The following COPG2 variants were observed in gnomAD, a reference collection of about 807,000 sequenced individuals.
The protein encoded by COPG2 is coat protein complex I subunit gamma 2, also known as coatomer subunit gamma-2.
Under a neutral mutation model 46.3 loss-of-function variants are expected in COPG2, and 37 were observed. The ratio of observed to expected loss-of-function variants is 0.80; its 90% CI spans 0.61 to 1.05. The LOEUF is 1.05. Ranked by LOEUF, COPG2 falls within the 50% of genes least tolerant of loss-of-function variation. COPG2 has a pLI of 0.00. For synonymous variants in COPG2, 159 were observed against 129.7 expected, an observed-to-expected ratio of 1.23 and a Z score of -1.53; for missense variants, 427 against 387.8, an observed-to-expected ratio of 1.10 and a Z score of -0.85.
intron 8 of COPG2, 55 bp from the exon 9 acceptor site, chr7:130,611,165 T>A (rs1357696379): frequency 1.4e-6 from 2 of 1,475,088 alleles, no homozygotes; most frequent in Admixed American, 3.8e-5. Flanking sequence ...TCAAAATATT[T>A]ACACAAAAAT....
At position 130,662,958 on chromosome 7, in the gene COPG2, AAG is replaced by A. The variant is rs1554460975; in HGVS notation, c.243+7_243+8del. 3 of 1,525,086 alleles carry A rather than the reference AAG, an allele frequency of 2.0e-6. No homozygotes were observed. Among genetic ancestry groups the A allele is most frequent in the Middle Eastern group, 1.7e-4 (1 of 5,900 alleles). The allele number at this position is 1,525,086 out of a possible 1,614,324, so 94.5% of individuals were successfully genotyped here. On this transcript the variant is annotated splice_region_variant and intron_variant, in intron 4 of 23. Transcript: ENST00000425248. ...TTTTTCATCGTAAAAAAAATTTAAA[AAG>A]ACTTACATCATTAGATTGAAACAAT...
Position 130,549,337 on chromosome 7 carries a change from G to A in COPG2, c.1814C>T (p.Pro605Leu), listed in dbSNP as rs1304525227. ...ACCTTGGAAAATGTCTTGCCTGGAA[G>A]GAGCCAACTTCTCTGGCTTAGTAGC... Reference protein sequence around the residue: ...LVATKPEKLAPSRQDIFQEQL... With the variant: ...LVATKPEKLALSRQDIFQEQL... Residue 605 changes from proline to leucine, a missense_variant, in exon 18 of 24, where the codon CCT (proline) becomes CTT (leucine). Pro to Leu is a moderately conservative substitution (Grantham distance 98). Coordinates refer to ENST00000425248, the MANE Select transcript of COPG2 (RefSeq NM_012133.6). 20 of 398,558 alleles carry A rather than the reference G, an allele frequency of 5.0e-5. No homozygotes were observed. Among genetic ancestry groups the A allele is most frequent in the African/African-American group, 3.1e-4 (15 of 48,754 alleles). The allele number at this position is 398,558 out of a possible 1,614,324, so 24.7% of individuals were successfully genotyped here.
At chr7:130,586,058 A>T (rs1443101500) in intron 9 of COPG2, among the ~76,000 whole-genome samples, 1 of 152,126 alleles carries the variant, frequency 6.6e-6, no homozygotes, top group East Asian at 1.9e-4. Context: ...AAAATCATGG[A>T]ACCAACCCAA....
At chr7:130,593,844 T>C (rs970403274) in intron 9 of COPG2, among the ~76,000 whole-genome samples, 1 of 152,152 alleles carries the variant, frequency 6.6e-6, no homozygotes, top group Non-Finnish European at 1.5e-5. Context: ...TGGAAAATAG[T>C]ACAGAGGATA....
chr7:130,668,696 C>A lies in COPG2; in HGVS notation c.-28G>T, dbSNP rs549446048. ...TGGACGACTTCCCAGCGCCCAGACC[C>A]ACCGCAACCGTCCCAGGCGCCGCAG... On this transcript the variant is annotated 5_prime_UTR_variant, in exon 1 of 24. Coordinates refer to ENST00000425248, the MANE Select transcript of COPG2 (RefSeq NM_012133.6). 2 of 1,521,804 alleles carry A rather than the reference C, an allele frequency of 1.3e-6. No individual in the cohort carries two copies. Among genetic ancestry groups the A allele is most frequent in the South Asian group, 1.2e-5 (1 of 80,420 alleles). The allele number at this position is 1,521,804 out of a possible 1,614,324, so 94.3% of individuals were successfully genotyped here.
chr7:130,523,264 G>A (rs1563036026), intron 20 of COPG2, among the ~76,000 whole-genome samples: 1 of 152,014 alleles, frequency 6.6e-6, no homozygotes, highest in Non-Finnish European at 1.5e-5. Flanking sequence ...GGGAGGGCTG[G>A]GGGCATGGAC....
At chr7:130,513,302 AAAAAAAATATAT>A (rs1177386903) in intron 20 of COPG2, among the ~76,000 whole-genome samples, 3 of 38,288 alleles carry the variant, frequency 7.8e-5, no homozygotes, top group African/African-American at 2.5e-4. Context: ...AAAAAAAAAA[AAAAAAAATATAT>A]ATATATATAT....
intron 20 of COPG2, among the ~76,000 whole-genome samples, chr7:130,536,793 G>A (rs1031014052): frequency 1.7e-4 from 26 of 152,314 alleles, no homozygotes; most frequent in African/African-American, 3.4e-4. Flanking sequence ...GATTTCCAGC[G>A]CCTCGGTCCG....
intron 5 of COPG2, among the ~76,000 whole-genome samples, chr7:130,641,026 T>G (rs1311229825): frequency 6.8e-6 from 1 of 146,216 alleles, no homozygotes; most frequent in Admixed American, 6.8e-5. Flanking sequence ...GAACAGAGGT[T>G]AAAAAAAAAA....
At chr7:130,567,101 G>A (rs915313360) in intron 9 of COPG2, among the ~76,000 whole-genome samples, 2 of 152,186 alleles carry the variant, frequency 1.3e-5, no homozygotes, top group Admixed American at 6.5e-5. Flanking sequence ...CAGCAACATC[G>A]ATAGAGCTGG....
rs1793499251 is a variant in COPG2, at chr7:130,549,396, CAAGT to C, written c.1775-24_1775-21del. On this transcript the variant is annotated intron_variant, in intron 17 of 23. Coordinates refer to ENST00000425248, the MANE Select transcript of COPG2 (RefSeq NM_012133.6). The stretch of plus-strand genomic sequence containing the variant: ...TGATTTCTATAAAGACAGATATGAG[CAAGT>C]AAGTGAACTTCTCCCACTACTATCA... The C allele has an allele frequency of 2.5e-6, 1 of 398,386 alleles. No homozygotes were observed. The highest frequency in any genetic ancestry group is 2.1e-5 in the African/African-American group (1 of 48,608). 24.7% of individuals were successfully genotyped at this position (398,386 alleles called of 1,614,324 possible).
Position 130,605,283 on chromosome 7 carries a change from T to C in COPG2, c.737+5670A>G, listed in dbSNP as rs782197592. 17 of 519,168 alleles carry C rather than the reference T, an allele frequency of 3.3e-5. No homozygotes were observed. In the East Asian group the frequency reaches 9.3e-4, roughly 28 times the overall value. 32.2% of individuals were successfully genotyped at this position (519,168 alleles called of 1,614,324 possible). ...TCAGCAAATTATCTGATTCAGTTAT[T>C]GCACTTGCTGGGGCAGAATGGCTCC... On this transcript the variant is annotated intron_variant, in intron 9 of 23. Transcript: ENST00000425248.
At chr7:130,551,073 C>A (rs1285830104) in intron 16 of COPG2, among the ~76,000 whole-genome samples, 168 bp downstream of exon 16, 1 of 149,214 alleles carries the variant, frequency 6.7e-6, no homozygotes, top group Non-Finnish European at 1.5e-5. Context: ...ATTATCATTA[C>A]CAAATTAGAA....
At chr7:130,641,872 T>A (rs1795497083) in intron 5 of COPG2, among the ~76,000 whole-genome samples, 1 of 152,222 alleles carries the variant, frequency 6.6e-6, no homozygotes, top group African/African-American at 2.4e-5. Context: ...TCGGCACAAT[T>A]GATTTCAAAA....
At chr7:130,543,210 C>A (rs1793371763) in intron 20 of COPG2, among the ~76,000 whole-genome samples, 1 of 152,140 alleles carries the variant, frequency 6.6e-6, no homozygotes, top group African/African-American at 2.4e-5. Flanking sequence ...TGGTCTCCAA[C>A]AAAATTAGCA....
rs11431866 is a variant in COPG2, at chr7:130,640,158, CTTTTT to C, written c.323+12706_323+12710del. Among the ~76,000 whole-genome samples the C allele has an allele frequency of 4.8e-3, 467 of 96,494 alleles. 2 individuals are homozygous for C. Among genetic ancestry groups the C allele is most frequent in the African/African-American group, 0.016 (444 of 27,652 alleles). 63.3% of individuals were successfully genotyped at this position (96,494 alleles called of 152,430 possible). A position where few individuals can be genotyped will look rare whatever the true frequency, so the allele number is the denominator to read the frequency against. Reference sequence around the variant, plus strand: ...TCTCCAGCTTGCAGTCACCACCAACCTTTTTTTTTTTTTTTTTTTTTTTGTAAACT... The same window carrying C: ...TCTCCAGCTTGCAGTCACCACCAACCTTTTTTTTTTTTTTTTTTGTAAACT... On this transcript the variant is annotated intron_variant, in intron 5 of 23. Coordinates refer to ENST00000425248, the MANE Select transcript of COPG2 (RefSeq NM_012133.6).
At chr7:130,546,446 T>C (rs1281190060) in intron 20 of COPG2, among the ~76,000 whole-genome samples, 2 of 152,046 alleles carry the variant, frequency 1.3e-5, no homozygotes, top group African/African-American at 4.8e-5. Context: ...AAGGAGGTAA[T>C]TAAAGGTTAA....
chr7:130,516,186 C>CA (rs1269704281), intron 20 of COPG2, among the ~76,000 whole-genome samples: 16 of 151,728 alleles, frequency 1.1e-4, no homozygotes, highest in African/African-American at 3.9e-4. Flanking sequence ...TAGTATTGAC[C>CA]AAAAAAAGTG....
chr7:130,668,415 G>A (rs1796140455), intron 1 of COPG2, among the ~76,000 whole-genome samples: 1 of 148,598 alleles, frequency 6.7e-6, no homozygotes. Context: ...CGCCGGGGCG[G>A]GAGCGCGCGG....
Sources: gnomAD v4.1 joint callset for allele counts (sites outside exome capture counted in the v4.1 genomes callset) on GRCh38, gnomAD v4.1.1 for gene constraint, MANE v1.5 for transcripts, NCBI Gene and HGNC (gene_info 2026-07-23, HGNC 2026-07-21) for gene names.